Variants in HERC3 observed in about 807,000 individuals in gnomAD.
HERC3 encodes the protein HECT and RLD domain containing E3 ubiquitin protein ligase 3.
A neutral mutation model predicts 129.9 loss-of-function variants in HERC3; 58 were observed. The observed-to-expected ratio is 0.45, with a 90% confidence interval of 0.36 to 0.56. HERC3 has a LOEUF of 0.56. Among genes scored for constraint, HERC3 ranks in the 20% least tolerant of loss-of-function variants. HERC3 has a pLI of 0.00. For missense variants in HERC3, 835 were observed against 1,244.2 expected (o/e 0.67, Z 4.95); for synonymous variants, 430 against 451.0 (o/e 0.95, Z 0.59).
the HERC3 span, among the ~76,000 whole-genome samples, chr4:88,548,585 T>C: frequency 4.8e-3 from 729 of 152,270 alleles, 15 homozygotes; most frequent in African/African-American, 0.017. Context: ...TATTATTGAG[T>C]TCTATATATT....
the HERC3 span, among the ~76,000 whole-genome samples, chr4:88,577,605 G>GTGTATATATATATATATATATATA: frequency 7.6e-6 from 1 of 131,836 alleles, no homozygotes; most frequent in African/African-American, 4.1e-5. Context: ...GTATGTGTGT[G>GTGTATATATATATATATATATATA]TATATATATA....
At chr4:88,532,244 G>A in the HERC3 span, among the ~76,000 whole-genome samples, 5 of 152,036 alleles carry the variant, frequency 3.3e-5, no homozygotes, top group South Asian at 2.1e-4. Flanking sequence ...ACACAATTAC[G>A]GAGGCCTGGA....
At chr4:88,527,610 G>A in the HERC3 span, 206 of 232,238 alleles carry the variant, frequency 8.9e-4, 1 homozygote, top group Non-Finnish European at 1.3e-3. Flanking sequence ...GGATGTACCC[G>A]CTGATCCACA....
At chr4:88,587,924 T>C (rs980558441), upstream of HERC3, among the ~76,000 whole-genome samples, 4 of 152,254 alleles carry the variant, frequency 2.6e-5, no homozygotes, top group Middle Eastern at 3.2e-3. Flanking sequence ...GAGCACATAT[T>C]AAGGGACTTT....
At chr4:88,526,136 A>G in the HERC3 span, among the ~76,000 whole-genome samples, 1 of 152,254 alleles carries the variant, frequency 6.6e-6, no homozygotes, top group African/African-American at 2.4e-5. Flanking sequence ...TAGCAATAAA[A>G]TTATTTATTA....
At chr4:88,698,053 G>A (rs1330429243) in intron 23 of HERC3, among the ~76,000 whole-genome samples, 1 of 152,108 alleles carries the variant, frequency 6.6e-6, no homozygotes, top group Non-Finnish European at 1.5e-5. Context: ...ACCCACCCCT[G>A]TAGAGCTGGG....
chr4:88,537,030 A>G, the HERC3 span, among the ~76,000 whole-genome samples: 1 of 152,366 alleles, frequency 6.6e-6, no homozygotes, highest in South Asian at 2.1e-4. Flanking sequence ...AGCAACTTGC[A>G]GACATGAGGT....
At chr4:88,527,679 C>A in the HERC3 span, 1 of 304,722 alleles carries the variant, frequency 3.3e-6, no homozygotes, top group South Asian at 3.6e-5. Context: ...ATGTGCTTGT[C>A]ATCGTGGTCT....
intron 3 of HERC3, among the ~76,000 whole-genome samples, chr4:88,620,623 T>A (rs192968160): frequency 3.9e-5 from 6 of 152,292 alleles, no homozygotes; most frequent in Admixed American, 3.9e-4. Flanking sequence ...TGCAGTCATT[T>A]CTAATTGTTG....
chr4:88,680,937 G>C, intron 20 of HERC3: 2 of 792,168 alleles, frequency 2.5e-6, no homozygotes, highest in Non-Finnish European at 3.1e-6. Flanking sequence ...ATGACTGTGA[G>C]CTGTTCTCTG....
At chr4:88,675,350 A>G (rs913065451) in intron 16 of HERC3, among the ~76,000 whole-genome samples, 7 of 152,216 alleles carry the variant, frequency 4.6e-5, no homozygotes, top group Non-Finnish European at 8.8e-5. Context: ...CATGATGCCA[A>G]TGCAGTTATT....
At chr4:88,526,572 T>C in the HERC3 span, among the ~76,000 whole-genome samples, 1 of 152,244 alleles carries the variant, frequency 6.6e-6, no homozygotes, top group East Asian at 1.9e-4. Flanking sequence ...ATTCTCTCTG[T>C]GTCATCCAGG....
intron 23 of HERC3, among the ~76,000 whole-genome samples, chr4:88,691,309 A>G (rs1734050951): frequency 6.6e-6 from 1 of 152,222 alleles, no homozygotes; most frequent in African/African-American, 2.4e-5. Flanking sequence ...TGTGTCACTC[A>G]GTGACAGGCA....
chr4:88,567,829 T>G, the HERC3 span, among the ~76,000 whole-genome samples: 1 of 152,224 alleles, frequency 6.6e-6, no homozygotes, highest in African/African-American at 2.4e-5. Context: ...GGTCATGTTT[T>G]CCTGGATGGT....
the HERC3 span, among the ~76,000 whole-genome samples, chr4:88,563,475 A>G: frequency 1.3e-5 from 2 of 152,070 alleles, no homozygotes; most frequent in Non-Finnish European, 2.9e-5. Context: ...TTTCTTTCCA[A>G]TTTGGATGCC....
At chr4:88,567,094 G>A in the HERC3 span, among the ~76,000 whole-genome samples, 10 of 152,222 alleles carry the variant, frequency 6.6e-5, no homozygotes, top group African/African-American at 2.4e-4. Context: ...TGGCTTCTCA[G>A]TACTTTAAAT....
intron 2 of HERC3, 144 bp from the exon 3 acceptor site, chr4:88,605,651 A>G: frequency 1.8e-6 from 1 of 544,128 alleles, no homozygotes; most frequent in East Asian, 3.0e-5. Context: ...TTTCAACAGT[A>G]TTAATATGTT....
At chr4:88,692,943 G>A in intron 23 of HERC3, 1 of 985,222 alleles carries the variant, frequency 1.0e-6, no homozygotes, top group Admixed American at 6.1e-5. Context: ...TTCGTTTCAG[G>A]CTGACTAGGT....
chr4:88,655,158 G>A lies in HERC3; in HGVS notation c.778-16G>A, dbSNP rs549810403. On this transcript the variant is annotated splice_polypyrimidine_tract_variant and intron_variant, in intron 7 of 25. Coordinates refer to ENST00000402738, the MANE Select transcript of HERC3 (RefSeq NM_014606.3). ...TAAAGATACAGTGAAGTCCTATGGT[G>A]TTTGTTCCTTGTTAGAGTGGAGGTG... 3 of 1,613,516 alleles carry A rather than the reference G, an allele frequency of 1.9e-6. No homozygotes were observed. The African/African-American group carries it at 4.0e-5, about 22-fold the overall frequency.
Sources: allele counts gnomAD v4.1 joint callset (sites outside exome capture counted in the v4.1 genomes callset), GRCh38; gene constraint gnomAD v4.1.1; transcripts MANE v1.5; gene names NCBI Gene and HGNC (gene_info 2026-07-23, HGNC 2026-07-21).